ARHGEF38: variants seen among roughly 807,000 people sequenced by gnomAD.
ARHGEF38 encodes the protein Rho guanine nucleotide exchange factor 38.
A neutral mutation model predicts 79.9 loss-of-function variants in ARHGEF38; 79 were observed. That is an observed-to-expected ratio of 0.99 (90% CI 0.82 to 1.19). The LOEUF is 1.19. Among genes scored for constraint, ARHGEF38 ranks in the 50% most tolerant of loss-of-function variants. ARHGEF38 has a pLI of 0.00. For missense variants in ARHGEF38, 962 were observed against 907.2 expected (o/e 1.06, Z -0.78); for synonymous variants, 366 against 328.3 (o/e 1.11, Z -1.24).
intron 1 of ARHGEF38, among the ~76,000 whole-genome samples, chr4:105,583,404 C>T (rs1474069294): frequency 6.6e-6 from 1 of 152,196 alleles, no homozygotes; most frequent in Non-Finnish European, 1.5e-5. Context: ...TACCTGGCCA[C>T]ACATTGCTCT....
intron 2 of ARHGEF38, among the ~76,000 whole-genome samples, chr4:105,590,132 AAAG>A (rs1727266493): frequency 2.0e-5 from 3 of 149,350 alleles, no homozygotes; most frequent in East Asian, 3.9e-4. Flanking sequence ...GGAAGGAAAG[AAAG>A]AAAAAAAAGA....
At chr4:105,638,354 C>A (rs1729484191) in intron 5 of ARHGEF38, among the ~76,000 whole-genome samples, 1 of 152,022 alleles carries the variant, frequency 6.6e-6, no homozygotes, top group Non-Finnish European at 1.5e-5. Context: ...GAACTTCCCA[C>A]TAAAAGCAAG....
intron 8 of ARHGEF38, among the ~76,000 whole-genome samples, chr4:105,655,134 C>T (rs866284309): frequency 2.0e-5 from 3 of 152,168 alleles, no homozygotes; most frequent in Non-Finnish European, 4.4e-5. Context: ...GGAACCCCAT[C>T]CTTTATGTAT....
rs1416809176 is a variant in ARHGEF38, at chr4:105,645,278, G to T, written c.765G>T (p.Arg255=). The part of the protein sequence containing the change: ...MKYPLLLCEL[R]NSTPPSHPDY... ...ACCCCCTATTACTGTGCGAACTTCG[G>T]AATTCCACCCCTCCCTCTCACCCAG... Residue 255 remains arginine, a synonymous_variant, in exon 6 of 14, where the codon CGG becomes CGT. Transcript: ENST00000420470. The T allele has an allele frequency of 6.5e-7, 1 of 1,536,580 alleles. No individual in the cohort carries two copies. Among genetic ancestry groups the T allele is most frequent in the Middle Eastern group, 1.7e-4 (1 of 5,994 alleles).
chr4:105,647,393 A>G (rs1460603429), intron 6 of ARHGEF38, among the ~76,000 whole-genome samples: 2 of 151,714 alleles, frequency 1.3e-5, no homozygotes, highest in African/African-American at 4.8e-5. Context: ...ACATTCTTTC[A>G]ATTAATATTG....
At chr4:105,634,451 C>T (rs1729320524) in intron 4 of ARHGEF38, among the ~76,000 whole-genome samples, 1 of 152,040 alleles carries the variant, frequency 6.6e-6, no homozygotes. Context: ...GTGTGAAATA[C>T]TGTATTAAAA....
intron 1 of ARHGEF38, chr4:105,561,469 A>AGAATAGAATGGAATAGAATGGAATG (rs1560684572): frequency 2.0e-5 from 1 of 49,660 alleles, no homozygotes; most frequent in Admixed American, 2.1e-4. Context: ...AGAATAGAAT[A>AGAATAGAATGGAATAGAATGGAATG]GAATAGAATA....
chr4:105,656,994 G>A (rs4699192), intron 9 of ARHGEF38, among the ~76,000 whole-genome samples: 40,520 of 151,912 alleles, frequency 0.27, 8,517 homozygotes, highest in African/African-American at 0.59. Flanking sequence ...ATAGGTACAG[G>A]CAGATAGATG....
At chr4:105,652,299 A>G (rs1021014612) in intron 7 of ARHGEF38, among the ~76,000 whole-genome samples, 3 of 152,236 alleles carry the variant, frequency 2.0e-5, no homozygotes, top group Non-Finnish European at 2.9e-5. Flanking sequence ...AGTGTCTGGA[A>G]CACAGTCAGT....
chr4:105,622,014 C>T (rs775946374), intron 3 of ARHGEF38, among the ~76,000 whole-genome samples: 1 of 152,136 alleles, frequency 6.6e-6, no homozygotes, highest in Non-Finnish European at 1.5e-5. Context: ...AAAAAATCAG[C>T]AGGAAGCAGG....
At chr4:105,629,704 G>A (rs1018847645) in intron 3 of ARHGEF38, among the ~76,000 whole-genome samples, 2 of 151,910 alleles carry the variant, frequency 1.3e-5, no homozygotes, top group Admixed American at 1.3e-4. Flanking sequence ...TTTAAGTAAT[G>A]AAGTGTGGAT....
chr4:105,573,518 G>T (rs530169035), intron 1 of ARHGEF38, among the ~76,000 whole-genome samples: 1 of 152,176 alleles, frequency 6.6e-6, no homozygotes, highest in East Asian at 1.9e-4. Flanking sequence ...TGGCACCCTT[G>T]TAAAATATCA....
chr4:105,660,316 A>G (rs905671657), intron 10 of ARHGEF38, among the ~76,000 whole-genome samples: 2 of 152,138 alleles, frequency 1.3e-5, no homozygotes, highest in East Asian at 1.9e-4. Context: ...AAATGCAAGT[A>G]TATATTTTTA....
chr4:105,644,153 C>G (rs1219690828), intron 5 of ARHGEF38, among the ~76,000 whole-genome samples: 2 of 152,152 alleles, frequency 1.3e-5, no homozygotes, highest in Admixed American at 1.3e-4. Context: ...CAGGCCCAAA[C>G]CACTGTGCCT....
At chr4:105,615,213 G>T (rs1434456268) in intron 3 of ARHGEF38, among the ~76,000 whole-genome samples, 3 of 152,168 alleles carry the variant, frequency 2.0e-5, no homozygotes, top group Non-Finnish European at 4.4e-5. Flanking sequence ...GGGACTGGCA[G>T]CATTTGGAAA....
chr4:105,639,072 C>T (rs1729515190), intron 5 of ARHGEF38, among the ~76,000 whole-genome samples: 1 of 151,966 alleles, frequency 6.6e-6, no homozygotes, highest in South Asian at 2.1e-4. Context: ...TACTTGCCAA[C>T]ACTAGATACA....
chr4:105,599,937 A>G (rs536559893), intron 2 of ARHGEF38, among the ~76,000 whole-genome samples: 1 of 152,306 alleles, frequency 6.6e-6, no homozygotes, highest in Non-Finnish European at 1.5e-5. Context: ...TAGCTATGAG[A>G]AGATAACTTG....
At chr4:105,588,663 A>G (rs992202349) in intron 1 of ARHGEF38, among the ~76,000 whole-genome samples, 2 of 152,246 alleles carry the variant, frequency 1.3e-5, no homozygotes, top group Non-Finnish European at 2.9e-5. Context: ...TGCTTGGTAT[A>G]AAAGATGAAC....
intron 7 of ARHGEF38, among the ~76,000 whole-genome samples, chr4:105,651,820 G>A (rs188772781): frequency 2.6e-5 from 4 of 152,190 alleles, no homozygotes; most frequent in South Asian, 2.1e-4. Flanking sequence ...GCTCCTGGCC[G>A]CTCTCTCTGT....
Sources: gnomAD v4.1 joint callset for allele counts (sites outside exome capture counted in the v4.1 genomes callset) on GRCh38, gnomAD v4.1.1 for gene constraint, MANE v1.5 for transcripts, NCBI Gene and HGNC (gene_info 2026-07-23, HGNC 2026-07-21) for gene names.